Variants in CNTN5 observed in about 807,000 individuals in gnomAD.
CNTN5 encodes contactin 5.
A neutral mutation model predicts 129.1 loss-of-function variants in CNTN5; 77 were observed. That is an observed-to-expected ratio of 0.60 (90% CI 0.50 to 0.72). The LOEUF is 0.72. Ranked by LOEUF, CNTN5 falls within the 30% of genes least tolerant of loss-of-function variation. CNTN5 has a pLI of 0.00. For missense variants in CNTN5, 1,478 were observed against 1,328.8 expected, an observed-to-expected ratio of 1.11 and a Z score of -1.75; for synonymous variants, 509 against 465.6, an observed-to-expected ratio of 1.09 and a Z score of -1.20.
At chr11:100,037,734 A>G (rs929646382) in intron 9 of CNTN5, among the ~76,000 whole-genome samples, 4 of 152,136 alleles carry the variant, frequency 2.6e-5, no homozygotes, top group African/African-American at 9.7e-5. Flanking sequence ...CATTTCTTCT[A>G]GATTTTCTAG....
Position 99,845,261 on chromosome 11 carries a change from C to G in CNTN5, c.576C>G (p.Ala192=), listed in dbSNP as rs1422040463. Residue 192 remains alanine, a splice_region_variant and synonymous_variant, in exon 6 of 25, where the codon GCC becomes GCG. Transcript: ENST00000524871. ...ILSREATLQF[A]YLGNFSGRTR... ...GTAGAGAAGCTACACTGCAGTTTGC[C>G]TGTGAGTAAAATATATGATTTTTCT... The G allele has an allele frequency of 1.2e-6, 2 of 1,602,360 alleles. No individual in the cohort carries two copies. The highest frequency in any genetic ancestry group is 1.7e-6 in the Non-Finnish European group (2 of 1,174,092).
chr11:99,356,187 C>T (rs1938652817), intron 2 of CNTN5, among the ~76,000 whole-genome samples: 1 of 130,896 alleles, frequency 7.6e-6, no homozygotes, highest in Non-Finnish European at 1.6e-5. Flanking sequence ...ATGCCTTAAC[C>T]ACCCCCCCCC....
intron 13 of CNTN5, among the ~76,000 whole-genome samples, chr11:100,118,114 C>T (rs1477631592): frequency 1.3e-5 from 2 of 151,544 alleles, no homozygotes; most frequent in Non-Finnish European, 2.9e-5. Flanking sequence ...TATCTAACGT[C>T]AAATCTATGG....
chr11:100,265,159 A>C (rs184078703), intron 17 of CNTN5, among the ~76,000 whole-genome samples: 44 of 152,294 alleles, frequency 2.9e-4, no homozygotes, highest in African/African-American at 9.1e-4. Context: ...GTACTTATAC[A>C]AAAGTTTTCC....
intron 6 of CNTN5, among the ~76,000 whole-genome samples, chr11:99,849,847 T>A (rs554890094): frequency 2.4e-4 from 36 of 152,160 alleles, no homozygotes; most frequent in Non-Finnish European, 4.3e-4. Context: ...TAGTACTCAA[T>A]CTTTCCCTAT....
Position 99,844,846 on chromosome 11 carries a change from T to C in CNTN5, c.278-6T>C, listed in dbSNP as rs1166068611. 13 of 1,608,850 alleles carry C rather than the reference T, an allele frequency of 8.1e-6. No individual in the cohort carries two copies. Among genetic ancestry groups the C allele is most frequent in the Non-Finnish European group, 1.0e-5 (12 of 1,178,022 alleles). Reference sequence around the variant, plus strand: ...AATTTAAAATGTGTCTGTTTTGTCTTTACAGAAAGTGTGGACTATGGGCCA... The same window carrying C: ...AATTTAAAATGTGTCTGTTTTGTCTCTACAGAAAGTGTGGACTATGGGCCA... On this transcript the variant is annotated splice_polypyrimidine_tract_variant and splice_region_variant and intron_variant, in intron 4 of 24. Coordinates refer to ENST00000524871, the MANE Select transcript of CNTN5 (RefSeq NM_014361.4).
chr11:99,802,484 AGTGCCCAGAGGT>A (rs1196346634), intron 3 of CNTN5, among the ~76,000 whole-genome samples: 1 of 152,216 alleles, frequency 6.6e-6, no homozygotes, highest in Non-Finnish European at 1.5e-5. Context: ...GTGGCCACCA[AGTGCCCAGAGGT>A]GTGCCTCAGC....
chr11:99,472,505 A>G (rs756887480), intron 2 of CNTN5, among the ~76,000 whole-genome samples: 2 of 152,078 alleles, frequency 1.3e-5, no homozygotes, highest in Non-Finnish European at 2.9e-5. Context: ...TTCTTTTGTA[A>G]TTAGTTTTTC....
chr11:99,186,529 G>GT (rs1357881899), intron 1 of CNTN5, among the ~76,000 whole-genome samples: 2 of 151,906 alleles, frequency 1.3e-5, no homozygotes, highest in African/African-American at 4.8e-5. Context: ...CTCTAAGAAA[G>GT]TTTTTTATTT....
intron 13 of CNTN5, among the ~76,000 whole-genome samples, chr11:100,136,788 TAA>T (rs11286130): frequency 8.3e-4 from 123 of 147,548 alleles, no homozygotes; most frequent in African/African-American, 2.3e-3. Context: ...TCCACATTGT[TAA>T]AAAAAAAAAA....
chr11:99,602,392 G>T (rs11220603), intron 3 of CNTN5, among the ~76,000 whole-genome samples: 3 of 151,942 alleles, frequency 2.0e-5, no homozygotes, highest in African/African-American at 4.8e-5. Context: ...AGAGGAAAGC[G>T]CAGTGTTTAC....
At chr11:99,499,531 C>A (rs571042296) in intron 2 of CNTN5, among the ~76,000 whole-genome samples, 1 of 152,066 alleles carries the variant, frequency 6.6e-6, no homozygotes, top group African/African-American at 2.4e-5. Context: ...TCCAGAACCA[C>A]GAGAAATCAA....
At chr11:100,084,918 A>G (rs1308681185) in intron 13 of CNTN5, among the ~76,000 whole-genome samples, 2 of 152,040 alleles carry the variant, frequency 1.3e-5, no homozygotes, top group African/African-American at 2.4e-5. Flanking sequence ...TGAAATATAA[A>G]CCGACAGTAG....
chr11:99,803,272 T>C (rs1395649117), intron 3 of CNTN5, among the ~76,000 whole-genome samples: 1 of 152,174 alleles, frequency 6.6e-6, no homozygotes, highest in Non-Finnish European at 1.5e-5. Flanking sequence ...CCAGATGAGT[T>C]CCAGTTCACC....
At chr11:100,034,705 T>C (rs1591093971) in intron 9 of CNTN5, among the ~76,000 whole-genome samples, 1 of 152,214 alleles carries the variant, frequency 6.6e-6, no homozygotes, top group East Asian at 1.9e-4. Context: ...CAGCCTTAGG[T>C]ACTTGCAATA....
intron 13 of CNTN5, among the ~76,000 whole-genome samples, chr11:100,102,545 G>C (rs578177893): frequency 6.7e-6 from 1 of 149,034 alleles, no homozygotes; most frequent in Non-Finnish European, 1.5e-5. Flanking sequence ...GTTTTCCAGA[G>C]GTCAAAAAAA....
chr11:99,974,084 G>A, intron 8 of CNTN5, among the ~76,000 whole-genome samples: 1 of 152,218 alleles, frequency 6.6e-6, no homozygotes, highest in East Asian at 1.9e-4. Context: ...AGCTGCCTAA[G>A]TGGAAGGCTT....
chr11:99,345,255 G>A (rs555111987), intron 2 of CNTN5, among the ~76,000 whole-genome samples: 7 of 152,150 alleles, frequency 4.6e-5, no homozygotes, highest in African/African-American at 1.4e-4. Flanking sequence ...ATATATTAGC[G>A]CTCAGTATTG....
chr11:99,766,574 G>C (rs1322590179), intron 3 of CNTN5, among the ~76,000 whole-genome samples: 1 of 151,978 alleles, frequency 6.6e-6, no homozygotes, highest in African/African-American at 2.4e-5. Context: ...AGAGAATATA[G>C]GTTGAGTTAC....
Sources: allele counts gnomAD v4.1 joint callset (sites outside exome capture counted in the v4.1 genomes callset), GRCh38; gene constraint gnomAD v4.1.1; transcripts MANE v1.5; gene names NCBI Gene and HGNC (gene_info 2026-07-23, HGNC 2026-07-21).